CADM2: variants seen among roughly 807,000 people sequenced by gnomAD.
The protein encoded by CADM2 is immunoglobulin superfamily member 4D.
A neutral mutation model predicts 49.8 loss-of-function variants in CADM2; 12 were observed. The ratio of observed to expected loss-of-function variants is 0.24; its 90% CI spans 0.15 to 0.39. CADM2 has a LOEUF of 0.39. CADM2 is among the 10% of genes least tolerant of loss of function. The probability of loss-of-function intolerance (pLI) is 1.00; values close to 1 mark genes in which losing one functional copy is unlikely to be tolerated. For synonymous variants in CADM2, 214 were observed against 175.4 expected, an observed-to-expected ratio of 1.22 and a Z score of -1.74; for missense variants, 378 against 492.3, an observed-to-expected ratio of 0.77 and a Z score of 2.20.
intron 2 of CADM2, among the ~76,000 whole-genome samples, chr3:85,738,545 A>C (rs375682910): frequency 1.3e-5 from 2 of 152,328 alleles, no homozygotes. Context: ...CCAGTAGGTC[A>C]TTTCAGCATG....
rs1294815980 is a variant in CADM2 at position 86,072,041 on chromosome 3, T to C, written c.*5258T>C. 6.6e-6 allele frequency: 1 copy of C among 151,804 alleles called. No individual in the cohort carries two copies. Among genetic ancestry groups the C allele is most frequent in the African/African-American group, 2.4e-5 (1 of 41,336 alleles). The allele number at this position is 151,804 out of a possible 1,614,324, so 9.4% of individuals were successfully genotyped here. A position where few individuals can be genotyped will look rare whatever the true frequency, so the allele number is the denominator to read the frequency against. On this transcript the variant is annotated 3_prime_UTR_variant, in exon 10 of 10. Transcript: ENST00000383699. ...CATCCTTATTAATAAATAATCCTCA[T>C]ATAATGCACAGTATTGCCACAAATG... is the stretch of plus-strand genomic sequence containing the variant.
At chr3:85,516,612 C>CT (rs1206600885) in intron 1 of CADM2, among the ~76,000 whole-genome samples, 2 of 151,824 alleles carry the variant, frequency 1.3e-5, no homozygotes, top group Middle Eastern at 3.2e-3. Flanking sequence ...TTAGTGTAGC[C>CT]TTTTTTCCCC....
chr3:85,198,126 T>A (rs1286538063), intron 1 of CADM2, among the ~76,000 whole-genome samples: 1 of 151,892 alleles, frequency 6.6e-6, no homozygotes, highest in African/African-American at 2.4e-5. Context: ...AACATAGTTA[T>A]ACTAGTACAC....
At chr3:85,554,778 C>G (rs2061908222) in intron 1 of CADM2, among the ~76,000 whole-genome samples, 1 of 147,096 alleles carries the variant, frequency 6.8e-6, no homozygotes, top group South Asian at 2.2e-4. Flanking sequence ...ACTGTAACCT[C>G]AAACTCCTGA....
At chr3:84,977,661 T>G (rs1015658908) in intron 1 of CADM2, among the ~76,000 whole-genome samples, 2 of 152,030 alleles carry the variant, frequency 1.3e-5, no homozygotes, top group African/African-American at 4.8e-5. Context: ...AGTTTACAAA[T>G]TTTCAGATTT....
chr3:85,985,052 C>T (rs1359831599), intron 8 of CADM2, among the ~76,000 whole-genome samples: 1 of 151,856 alleles, frequency 6.6e-6, no homozygotes, highest in Non-Finnish European at 1.5e-5. Flanking sequence ...GTACTCAATT[C>T]TTAACAATTT....
At position 85,886,230 on chromosome 3, in the gene CADM2, A is replaced by G; in HGVS notation, c.432A>G (p.Pro144=). Residue 144 remains proline, a synonymous_variant, in exon 5 of 10, where the codon CCA becomes CCG. Transcript: ENST00000383699. The part of the protein sequence containing the change: ...EKPQISGFSS[P]VMEGDLMQLT... Reference sequence around the variant, plus strand: ...CTCAGATTAGTGGATTCTCATCACCAGTTATGGAGGGTGACTTGATGCAGC... The same window carrying G: ...CTCAGATTAGTGGATTCTCATCACCGGTTATGGAGGGTGACTTGATGCAGC... 6.2e-7 allele frequency: 1 copy of G among 1,613,908 alleles called. No individual in the cohort carries two copies. The highest frequency in any genetic ancestry group is 8.5e-7 in the Non-Finnish European group (1 of 1,179,882).
chr3:85,836,058 G>A (rs868486590), intron 3 of CADM2, among the ~76,000 whole-genome samples: 5 of 151,358 alleles, frequency 3.3e-5, no homozygotes, highest in African/African-American at 9.7e-5. Context: ...TTTTGAAAAA[G>A]CGTTTTAGTT....
intron 1 of CADM2, among the ~76,000 whole-genome samples, chr3:85,563,872 A>G (rs1049083965): frequency 1.7e-4 from 26 of 152,268 alleles, no homozygotes; most frequent in African/African-American, 6.3e-4. Context: ...TGGTATAAAC[A>G]AGCTTCCTGT....
chr3:85,151,321 A>G (rs759663583), intron 1 of CADM2, among the ~76,000 whole-genome samples: 7 of 150,630 alleles, frequency 4.6e-5, no homozygotes, highest in Non-Finnish European at 1.0e-4. Context: ...ATGATTGTGT[A>G]CTTTTTTTTT....
chr3:85,315,609 A>G (rs538171880), intron 1 of CADM2, among the ~76,000 whole-genome samples: 4 of 152,322 alleles, frequency 2.6e-5, no homozygotes, highest in African/African-American at 9.6e-5. Flanking sequence ...AATTTTTGCC[A>G]TGTTGGAATA....
chr3:86,003,994 G>A (rs1057394641), intron 8 of CADM2, among the ~76,000 whole-genome samples: 3 of 152,058 alleles, frequency 2.0e-5, no homozygotes, highest in African/African-American at 7.2e-5. Flanking sequence ...GGAGCCAATG[G>A]CTCCAAATAA....
At chr3:85,962,204 C>A (rs1724922353) in intron 8 of CADM2, among the ~76,000 whole-genome samples, 1 of 151,958 alleles carries the variant, frequency 6.6e-6, no homozygotes, top group Non-Finnish European at 1.5e-5. Context: ...CAGGTGTGAG[C>A]CATCACACCC....
chr3:85,550,963 T>C (rs1200945930), intron 1 of CADM2, among the ~76,000 whole-genome samples: 2 of 142,184 alleles, frequency 1.4e-5, no homozygotes, highest in African/African-American at 5.0e-5. Flanking sequence ...TTTTAATTTA[T>C]TTATTTGTTT....
At chr3:85,103,770 G>T (rs910881936) in intron 1 of CADM2, among the ~76,000 whole-genome samples, 1 of 152,120 alleles carries the variant, frequency 6.6e-6, no homozygotes, top group Admixed American at 6.6e-5. Context: ...ATTCCAGAAC[G>T]TGAGTACTTC....
At chr3:85,844,876 C>T (rs1261943118) in intron 3 of CADM2, among the ~76,000 whole-genome samples, 2 of 151,800 alleles carry the variant, frequency 1.3e-5, no homozygotes, top group Non-Finnish European at 2.9e-5. Context: ...TTAGTCCAGG[C>T]GTGGTGGCTC....
At chr3:85,453,458 G>A (rs2037845124) in intron 1 of CADM2, among the ~76,000 whole-genome samples, 1 of 151,956 alleles carries the variant, frequency 6.6e-6, no homozygotes, top group Non-Finnish European at 1.5e-5. Flanking sequence ...CATATTTTAT[G>A]AAGCTCTCAT....
At chr3:85,735,237 G>T (rs2068088496) in intron 2 of CADM2, among the ~76,000 whole-genome samples, 1 of 152,098 alleles carries the variant, frequency 6.6e-6, no homozygotes, top group Non-Finnish European at 1.5e-5. Flanking sequence ...CTAATTTTGA[G>T]TCGGTAGACC....
Position 85,057,952 on chromosome 3 carries a change from A to G in CADM2, c.61+98284A>G, listed in dbSNP as rs148250903. Among the ~76,000 whole-genome samples, 378 of 152,254 alleles carry G rather than the reference A, an allele frequency of 2.5e-3. 6 individuals are homozygous for G. The highest frequency in any genetic ancestry group is 0.023 in the South Asian group (112 of 4,830). Reference sequence around the variant, plus strand: ...TTTTCATAAAATATTTTACTGTAGAATTTTCCCGATGGTAGGTATTAGACA... The same window carrying G: ...TTTTCATAAAATATTTTACTGTAGAGTTTTCCCGATGGTAGGTATTAGACA... On this transcript the variant is annotated intron_variant, in intron 1 of 9. Transcript: ENST00000383699.
Sources: allele counts gnomAD v4.1 joint callset (sites outside exome capture counted in the v4.1 genomes callset), GRCh38; gene constraint gnomAD v4.1.1; transcripts MANE v1.5; gene names NCBI Gene and HGNC (gene_info 2026-07-23, HGNC 2026-07-21).